SHMT1: variants seen among roughly 807,000 people sequenced by gnomAD.
SHMT1 encodes the protein serine hydroxymethyltransferase 1, also known as serine hydroxymethyltransferase, cytosolic.
SHMT1 carries 45 observed loss-of-function variants against 49.0 expected under a neutral mutation model. The observed-to-expected ratio is 0.92, with a 90% CI of 0.72 to 1.18. The LOEUF (loss-of-function observed/expected upper bound fraction) is 1.18. Ranked by LOEUF, SHMT1 falls within the 50% of genes most tolerant of loss-of-function variation. The pLI, the probability that SHMT1 is intolerant of heterozygous loss-of-function variation, is 0.00. For missense variants in SHMT1, 541 were observed against 612.4 expected, an observed-to-expected ratio of 0.88 and a Z score of 1.23; for synonymous variants, 232 against 246.6, an observed-to-expected ratio of 0.94 and a Z score of 0.55.
At chr17:18,357,178 G>A (rs1440550960) in intron 1 of SHMT1, among the ~76,000 whole-genome samples, 1 of 150,762 alleles carries the variant, frequency 6.6e-6, no homozygotes, top group African/African-American at 2.4e-5. Context: ...CTACTTGGGA[G>A]GCTGAGGCAG....
intron 7 of SHMT1, among the ~76,000 whole-genome samples, chr17:18,338,755 C>T (rs891209589): frequency 1.4e-4 from 21 of 152,098 alleles, no homozygotes; most frequent in Non-Finnish European, 2.2e-4. Context: ...CCCCCAACCC[C>T]GTGCTCTCTG....
intron 2 of SHMT1, among the ~76,000 whole-genome samples, chr17:18,355,081 A>G (rs1444513389): frequency 1.2e-5 from 1 of 80,604 alleles, no homozygotes; most frequent in Non-Finnish European, 2.5e-5. Flanking sequence ...AAAAAAAAAA[A>G]AAAAAAGGCC....
chr17:18,328,746 T>A lies in SHMT1; in HGVS notation c.*4A>T. 6.4e-7 allele frequency: 1 copy of A among 1,564,936 alleles called. No individual in the cohort carries two copies. Among genetic ancestry groups the A allele is most frequent in the Non-Finnish European group, 8.7e-7 (1 of 1,154,236 alleles). On this transcript the variant is annotated 3_prime_UTR_variant, in exon 12 of 12. Transcript: ENST00000316694. Reference sequence around the variant, plus strand: ...CCAGGTGGGTCCAGAGTGGGCCCGCTCCTTTAGAAGTCAGGCAGGCCAGGC... The same window carrying A: ...CCAGGTGGGTCCAGAGTGGGCCCGCACCTTTAGAAGTCAGGCAGGCCAGGC...
chr17:18,348,608 C>CAATGCCTTT, intron 3 of SHMT1, 168 bp from the exon 4 acceptor site: 1 of 727,284 alleles, frequency 1.4e-6, no homozygotes, highest in Non-Finnish European at 2.5e-6. Flanking sequence ...AGTGTTCCAC[C>CAATGCCTTT]AATGCCTCTG....
intron 5 of SHMT1, chr17:18,341,589 G>A (rs560566344): frequency 9.0e-4 from 125 of 139,086 alleles, no homozygotes; most frequent in Non-Finnish European, 1.1e-3. Context: ...GCAGTGAGCC[G>A]AGATTGTGCC....
intron 3 of SHMT1, chr17:18,348,703 G>A (rs761996910): frequency 3.7e-5 from 21 of 570,312 alleles, no homozygotes; most frequent in Admixed American, 3.0e-4. Context: ...GGCTGGGAGA[G>A]GTGGCTTATA....
chr17:18,353,547 G>A, intron 3 of SHMT1, 125 bp downstream of exon 3: 1 of 998,166 alleles, frequency 1.0e-6, no homozygotes, highest in Non-Finnish European at 1.6e-6. Context: ...GAGCAGGCGT[G>A]GAACAGAAAT....
At chr17:18,357,758 C>G (rs1007182721) in intron 1 of SHMT1, among the ~76,000 whole-genome samples, 2 of 151,704 alleles carry the variant, frequency 1.3e-5, no homozygotes, top group Non-Finnish European at 2.9e-5. Flanking sequence ...AACCCCAGCA[C>G]TTTGGGAGGC....
Position 18,355,955 on chromosome 17 carries a change from G to A in SHMT1, c.27C>T (p.His9=). The change falls in exon 2 of 12, where the codon CAC becomes CAT. Residue 9 remains histidine, a synonymous_variant. Transcript: ENST00000316694. ...GTGAGGACCACAGGTCAGCATCCTT[G>A]TGGGCCCCGTTGACTGGCATCGTCA... MTMPVNGA[H]KDADLWSSHD... is the part of the protein sequence containing the mutation. The A allele has an allele frequency of 6.2e-7, 1 of 1,614,048 alleles. No individual in the cohort carries two copies. The highest frequency in any genetic ancestry group is 2.2e-5 in the East Asian group (1 of 44,894).
intron 8 of SHMT1, among the ~76,000 whole-genome samples, chr17:18,335,097 T>C (rs907160508): frequency 2.6e-5 from 4 of 152,198 alleles, no homozygotes; most frequent in African/African-American, 9.6e-5. Flanking sequence ...AGCAAGTCAA[T>C]GAGAACCTGC....
intron 5 of SHMT1, among the ~76,000 whole-genome samples, chr17:18,341,920 T>TG (rs1984566740): frequency 6.6e-6 from 1 of 152,122 alleles, no homozygotes; most frequent in Admixed American, 6.5e-5. Flanking sequence ...TGCAGTGCAG[T>TG]GGGGAGAGGA....
chr17:18,344,710 G>A (rs1231115359), intron 5 of SHMT1, among the ~76,000 whole-genome samples: 1 of 151,794 alleles, frequency 6.6e-6, no homozygotes, highest in African/African-American at 2.4e-5. Context: ...GAATTCATAG[G>A]CATTTATAAT....
intron 5 of SHMT1, among the ~76,000 whole-genome samples, chr17:18,343,203 T>TA (rs532215917): frequency 2.5e-4 from 38 of 149,304 alleles, no homozygotes; most frequent in East Asian, 9.8e-4. Flanking sequence ...ATAATTTGTT[T>TA]AAAAAAAAAA....
At chr17:18,329,061 C>G in intron 11 of SHMT1, 142 bp from the exon 12 acceptor site, 1 of 1,101,154 alleles carries the variant, frequency 9.1e-7, no homozygotes, top group Non-Finnish European at 1.3e-6. Context: ...ACCTCAATTA[C>G]TCTGAGATGC....
intron 3 of SHMT1, among the ~76,000 whole-genome samples, chr17:18,351,837 G>A (rs1985737603): frequency 6.6e-6 from 1 of 151,812 alleles, no homozygotes; most frequent in Non-Finnish European, 1.5e-5. Flanking sequence ...TTAAGTTGTG[G>A]TTTTTCGGGG....
intron 8 of SHMT1, among the ~76,000 whole-genome samples, chr17:18,333,715 C>T (rs1338020664): frequency 1.3e-5 from 2 of 152,028 alleles, no homozygotes; most frequent in African/African-American, 4.8e-5. Context: ...AGTGATCCGC[C>T]TGCCTTGGCC....
At chr17:18,362,424 G>A (rs556316635) in intron 1 of SHMT1, among the ~76,000 whole-genome samples, 1 of 152,088 alleles carries the variant, frequency 6.6e-6, no homozygotes, top group South Asian at 2.1e-4. Flanking sequence ...GGGTTCAAGC[G>A]ATTCTCCTGC....
rs549943058 is a variant in SHMT1, at chr17:18,338,425, G to A, written c.814+1618C>T. 2.2e-4 allele frequency among the ~76,000 whole-genome samples: 33 copies of A among 147,362 alleles called. No homozygotes were observed. In the East Asian group the frequency reaches 6.5e-3, roughly 29 times the overall value. ...GGTGGGGGGCAGCCCCCGCCTGGCC[G>A]TCACCCCTTCCAGGAGGTGGGGGGG... On this transcript the variant is annotated intron_variant, in intron 7 of 11. Transcript: ENST00000316694.
chr17:18,349,172 C>A (rs1010597788), intron 3 of SHMT1, among the ~76,000 whole-genome samples: 2 of 152,230 alleles, frequency 1.3e-5, no homozygotes, highest in East Asian at 1.9e-4. Context: ...GTAATCCCAG[C>A]ACTTTGGGAG....
Sources: allele counts gnomAD v4.1 joint callset (sites outside exome capture counted in the v4.1 genomes callset), GRCh38; gene constraint gnomAD v4.1.1; transcripts MANE v1.5; gene names NCBI Gene and HGNC (gene_info 2026-07-23, HGNC 2026-07-21).